Variants in WWOX observed in about 807,000 individuals in gnomAD.
WWOX encodes WW domain-containing oxidoreductase.
WWOX carries 69 observed loss-of-function variants against 46.2 expected under a neutral mutation model. The observed-to-expected ratio is 1.49, with a 90% confidence interval of 1.23 to 1.82. WWOX has a LOEUF of 1.82. WWOX is among the 40% of genes most tolerant of loss of function. The pLI, the probability that WWOX is intolerant of heterozygous loss-of-function variation, is 0.00. For missense variants in WWOX, 919 were observed against 542.6 expected, an observed-to-expected ratio of 1.69 and a Z score of -6.89; for synonymous variants, 359 against 202.6, an observed-to-expected ratio of 1.77 and a Z score of -6.56.
chr16:78,665,375 T>C (rs1230256510), intron 8 of WWOX, among the ~76,000 whole-genome samples: 1 of 152,214 alleles, frequency 6.6e-6, no homozygotes, highest in Admixed American at 6.5e-5. Context: ...AACTATTAAA[T>C]AATTGAATTA....
At chr16:78,432,895 C>T (rs2083258748) in intron 8 of WWOX, 143 bp downstream of exon 8, 5 of 1,307,976 alleles carry the variant, frequency 3.8e-6, no homozygotes, top group Admixed American at 3.5e-5. Context: ...GGCTCTTGAA[C>T]ACATTTTCAT....
At position 78,108,496 on chromosome 16, in the gene WWOX, G is replaced by T. The variant is rs1220647416; in HGVS notation, c.172+9G>T. ...AAAACGAGTGGCAGGAGGTTTGTAT[G>T]TTGTTGTCTAAGGATCTTGGATGGA... On this transcript the variant is annotated intron_variant, in intron 2 of 8. Transcript: ENST00000566780. The T allele has an allele frequency of 1.2e-6, 2 of 1,613,614 alleles. No individual in the cohort carries two copies. Among genetic ancestry groups the T allele is most frequent in the Admixed American group, 1.7e-5 (1 of 59,994 alleles).
chr16:78,266,018 G>T (rs2079355060), intron 5 of WWOX: 1 of 152,290 alleles, frequency 6.6e-6, no homozygotes, highest in South Asian at 2.1e-4. Context: ...CTTTCACAGG[G>T]GCAGAGCATG....
intron 8 of WWOX, among the ~76,000 whole-genome samples, chr16:78,820,985 G>C (rs1044909380): frequency 6.6e-6 from 1 of 152,024 alleles, no homozygotes; most frequent in African/African-American, 2.4e-5. Flanking sequence ...TTGGACTTAG[G>C]ACCCACCTAA....
At chr16:78,935,207 G>C (rs568877251) in intron 8 of WWOX, among the ~76,000 whole-genome samples, 1 of 152,222 alleles carries the variant, frequency 6.6e-6, no homozygotes, top group Admixed American at 6.5e-5. Context: ...GATTCCTCAA[G>C]GATCTAGAAC....
chr16:78,980,948 T>C (rs1305784786), intron 8 of WWOX, among the ~76,000 whole-genome samples: 1 of 152,154 alleles, frequency 6.6e-6, no homozygotes, highest in Non-Finnish European at 1.5e-5. Flanking sequence ...TCGAGTGATA[T>C]AAAGTCACAG....
intron 5 of WWOX, among the ~76,000 whole-genome samples, chr16:78,318,189 G>A (rs767190317): frequency 1.3e-4 from 20 of 152,024 alleles, no homozygotes; most frequent in Non-Finnish European, 1.8e-4. Flanking sequence ...TTTACTTCCC[G>A]GGGGCAGAGG....
chr16:78,927,456 G>C (rs2045524753), intron 8 of WWOX, among the ~76,000 whole-genome samples: 1 of 152,126 alleles, frequency 6.6e-6, no homozygotes, highest in Non-Finnish European at 1.5e-5. Context: ...TTCTCTGTGG[G>C]TAAAAGTTCT....
chr16:79,006,600 C>G (rs931125530), intron 8 of WWOX, among the ~76,000 whole-genome samples: 1 of 151,892 alleles, frequency 6.6e-6, no homozygotes, highest in African/African-American at 2.4e-5. Context: ...TACAAATGTA[C>G]CGTCTTAAAA....
At chr16:78,797,833 C>G (rs1043354066) in intron 8 of WWOX, among the ~76,000 whole-genome samples, 3 of 152,100 alleles carry the variant, frequency 2.0e-5, no homozygotes, top group Non-Finnish European at 4.4e-5. Context: ...ACAAAAAATA[C>G]AAAAATTAGC....
At chr16:78,545,794 G>A (rs1295225794) in intron 8 of WWOX, among the ~76,000 whole-genome samples, 1 of 152,104 alleles carries the variant, frequency 6.6e-6, no homozygotes, top group East Asian at 1.9e-4. Flanking sequence ...TCTCTCCTTG[G>A]CTTGCAGACG....
intron 8 of WWOX, among the ~76,000 whole-genome samples, chr16:78,479,562 T>C (rs8057195): frequency 0.081 from 12,302 of 152,218 alleles, 737 homozygotes; most frequent in Admixed American, 0.18. Context: ...GATATTTTCA[T>C]AGTGAAAATG....
chr16:78,361,221 G>A (rs959241333), intron 5 of WWOX, among the ~76,000 whole-genome samples: 2 of 152,152 alleles, frequency 1.3e-5, no homozygotes, highest in Non-Finnish European at 2.9e-5. Flanking sequence ...CTGAGTGTAA[G>A]CATTTTTTGG....
At chr16:78,438,781 G>A (rs2083385455) in intron 8 of WWOX, among the ~76,000 whole-genome samples, 1 of 152,150 alleles carries the variant, frequency 6.6e-6, no homozygotes, top group African/African-American at 2.4e-5. Flanking sequence ...GCCAGTCATC[G>A]TGCTGAGTTT....
intron 8 of WWOX, among the ~76,000 whole-genome samples, chr16:78,768,031 A>G (rs541747963): frequency 6.6e-6 from 1 of 152,152 alleles, no homozygotes; most frequent in South Asian, 2.1e-4. Context: ...GTTGTTGTTT[A>G]CATTGGGGAG....
chr16:78,365,931 A>ATATG (rs2081526496), intron 5 of WWOX, among the ~76,000 whole-genome samples: 1 of 152,210 alleles, frequency 6.6e-6, no homozygotes, highest in Non-Finnish European at 1.5e-5. Flanking sequence ...GTATAAATGC[A>ATATG]TATGAACTGG....
intron 4 of WWOX, among the ~76,000 whole-genome samples, chr16:78,126,043 C>T (rs1409803793): frequency 1.3e-5 from 2 of 152,148 alleles, no homozygotes; most frequent in Non-Finnish European, 2.9e-5. Context: ...GTTTTCCCTT[C>T]TTTCGTGATT....
At chr16:79,003,757 G>A (rs1033886608) in intron 8 of WWOX, among the ~76,000 whole-genome samples, 5 of 152,204 alleles carry the variant, frequency 3.3e-5, no homozygotes, top group African/African-American at 1.2e-4. Context: ...CACAGCAGAA[G>A]TGGCACGGCC....
intron 8 of WWOX, among the ~76,000 whole-genome samples, chr16:78,459,077 C>G (rs908049186): frequency 6.6e-6 from 1 of 152,146 alleles, no homozygotes; most frequent in African/African-American, 2.4e-5. Context: ...CAGCAGATGA[C>G]TTTGGAAGGA....
Sources: allele counts gnomAD v4.1 joint callset (sites outside exome capture counted in the v4.1 genomes callset), GRCh38; gene constraint gnomAD v4.1.1; transcripts MANE v1.5; gene names NCBI Gene and HGNC (gene_info 2026-07-23, HGNC 2026-07-21).